The following STX3 variants were observed in gnomAD, a reference collection of about 807,000 sequenced individuals.
STX3 encodes the protein syntaxin 3, also known as syntaxin-3.
In STX3, 19 loss-of-function variants were observed where a neutral mutation model predicts 40.2. That is an observed-to-expected ratio of 0.47 (90% CI 0.33 to 0.69). STX3 has a LOEUF of 0.69. Among genes scored for constraint, STX3 ranks in the 30% least tolerant of loss-of-function variants. The probability of loss-of-function intolerance (pLI) is 0.02; values close to 1 mark genes in which losing one functional copy is unlikely to be tolerated. For synonymous variants in STX3, 122 were observed against 132.2 expected (o/e 0.92, Z 0.53); for missense variants, 364 against 366.7 (o/e 0.99, Z 0.06).
chr11:59,781,241 T>C, intron 2 of STX3: 6 of 1,039,642 alleles, frequency 5.8e-6, no homozygotes, highest in Non-Finnish European at 8.7e-6. Context: ...AGAAACAGTA[T>C]GGAGATTTGC....
In STX3 at chr11:59,792,218, A is replaced by G. The variant is rs1865223108; in HGVS notation, c.466+3A>G. 2 of 1,613,056 alleles carry G rather than the reference A, an allele frequency of 1.2e-6. No individual in the cohort carries two copies. The highest frequency in any genetic ancestry group is 1.1e-5 in the South Asian group (1 of 90,954). Reference sequence around the variant, plus strand: ...AATCCAGCGGCAGCTCGAAATTAGTATGTACTTGAGGTTTGGCGTGTGCCC... The same window carrying G: ...AATCCAGCGGCAGCTCGAAATTAGTGTGTACTTGAGGTTTGGCGTGTGCCC... On this transcript the variant is annotated splice_donor_region_variant and intron_variant, in intron 6 of 10. Transcript: ENST00000337979.
At chr11:59,773,146 GCATTCAATAATTTAGC>G in intron 1 of STX3, 49 bp from the exon 2 acceptor site, 2 of 1,473,172 alleles carry the variant, frequency 1.4e-6, no homozygotes, top group Non-Finnish European at 1.9e-6. Flanking sequence ...TACTTCGTGA[GCATTCAATAATTTAGC>G]CATTTATTGT....
chr11:59,793,566 T>C, intron 8 of STX3, 52 bp downstream of exon 8: 1 of 1,583,868 alleles, frequency 6.3e-7, no homozygotes, highest in Non-Finnish European at 8.6e-7. Context: ...AAGCTCAGGG[T>C]CTACTGAGAA....
chr11:59,772,974 A>AAACACACACAC (rs1554996770), intron 1 of STX3, among the ~76,000 whole-genome samples: 1,738 of 140,662 alleles, frequency 0.012, 35 homozygotes, highest in African/African-American at 0.036. Context: ...CCCTGAAAGA[A>AAACACACACAC]ACACACACAC....
At chr11:59,769,829 C>CGTGT (rs148844771) in intron 1 of STX3, among the ~76,000 whole-genome samples, 31 of 148,542 alleles carry the variant, frequency 2.1e-4, no homozygotes, top group African/African-American at 5.0e-4. Flanking sequence ...ATAGTGTACA[C>CGTGT]GTGTGTGTGT....
At chr11:59,771,961 A>C (rs1474687479) in intron 1 of STX3, among the ~76,000 whole-genome samples, 3 of 152,206 alleles carry the variant, frequency 2.0e-5, no homozygotes, top group East Asian at 3.8e-4. Flanking sequence ...CAGACCAGCC[A>C]GAGAATGAGA....
chr11:59,764,376 G>A (rs1418048572), intron 1 of STX3, among the ~76,000 whole-genome samples: 3 of 152,144 alleles, frequency 2.0e-5, no homozygotes, highest in Non-Finnish European at 2.9e-5. Context: ...ACAATTCTAT[G>A]AGCAGATTAT....
rs940708712 is a variant in STX3 at position 59,795,541 on chromosome 11, C to T, written c.786+59C>T. 7 of 1,559,242 alleles carry T rather than the reference C, an allele frequency of 4.5e-6. No homozygotes were observed. In the African/African-American group the frequency reaches 8.1e-5, roughly 18 times the overall value. ...TCCATTTTGTTTGCTGTGTCTCGCT[C>T]TTTCTCTTCCCTCTCCCTGTCTCTG... On this transcript the variant is annotated intron_variant, in intron 9 of 10. Transcript: ENST00000337979.
In STX3 at chr11:59,755,621, G is replaced by C. The variant is rs759224197; in HGVS notation, c.16G>C (p.Glu6Gln). 3.1e-6 allele frequency: 5 copies of C among 1,595,276 alleles called. No homozygotes were observed. In the East Asian group the frequency reaches 9.1e-5, roughly 29 times the overall value. ...GGGCTTCAGGATGAAGGACCGTCTGGAGCAGCTGAAGGCCGTGAGTTTCGC... is the reference window on the plus strand; with the variant it reads ...GGGCTTCAGGATGAAGGACCGTCTGCAGCAGCTGAAGGCCGTGAGTTTCGC... MKDRL[E>Q]QLKAKQLTQD... The change falls in exon 1 of 11, where the codon GAG becomes CAG. Residue 6 changes from glutamate (E) to glutamine (Q), a missense_variant. Physicochemically the swap from Glu to Gln is conservative, Grantham distance 29. Transcript: ENST00000337979.
intron 1 of STX3, among the ~76,000 whole-genome samples, chr11:59,759,231 G>A (rs1151064): frequency 0.12 from 19,001 of 152,154 alleles, 1,813 homozygotes; most frequent in African/African-American, 0.25. Flanking sequence ...TTCTCATTCT[G>A]CAAGTGAGTG....
intron 6 of STX3, among the ~76,000 whole-genome samples, chr11:59,792,838 C>G (rs1865277951): frequency 1.3e-5 from 2 of 151,964 alleles, no homozygotes; most frequent in Admixed American, 1.3e-4. Context: ...CCTTGGACAC[C>G]ATAGTGTAGT....
chr11:59,772,358 T>C (rs1371558696), intron 1 of STX3, among the ~76,000 whole-genome samples: 2 of 152,180 alleles, frequency 1.3e-5, no homozygotes, highest in African/African-American at 4.8e-5. Context: ...TCACTTCCTT[T>C]AGATGGCCAT....
At chr11:59,772,439 G>A (rs570371993) in intron 1 of STX3, among the ~76,000 whole-genome samples, 27 of 152,318 alleles carry the variant, frequency 1.8e-4, no homozygotes, top group African/African-American at 6.0e-4. Context: ...GCTGGGGGCC[G>A]GGGGAGAGCT....
intron 2 of STX3, among the ~76,000 whole-genome samples, chr11:59,774,278 G>A (rs1323095601): frequency 6.6e-6 from 1 of 151,956 alleles, no homozygotes; most frequent in African/African-American, 2.4e-5. Context: ...TTTCATGAAC[G>A]TTCCTTAACA....
At chr11:59,784,628 C>T (rs1447558226) in intron 2 of STX3, among the ~76,000 whole-genome samples, 3 of 152,214 alleles carry the variant, frequency 2.0e-5, no homozygotes, top group East Asian at 1.9e-4. Context: ...GAGCAAGTCA[C>T]GTCTTACATG....
At position 59,790,556 on chromosome 11, in the gene STX3, A is replaced by T. The variant is rs546503775; in HGVS notation, c.327A>T (p.Ser109=). Residue 109 remains serine, a synonymous_variant, in exon 5 of 11, where the codon TCA becomes TCT. Transcript: ENST00000337979. The stretch of plus-strand genomic sequence containing the variant: ...ATATTGAAGAAGATGAGGTCAGGTC[A>T]TCGGCAGACCTTCGGATTCGGAAAT... ...EKHIEEDEVR[S]SADLRIRKSQ... The T allele has an allele frequency of 2.2e-5, 36 of 1,614,074 alleles. No homozygotes were observed. The highest frequency in any genetic ancestry group is 3.0e-5 in the Non-Finnish European group (35 of 1,179,998).
In STX3 at chr11:59,797,479, T is replaced by C; in HGVS notation, c.*30+83T>C. ...CTTGGGATTTCAAATTCCTCTTCTT[T>C]CCCCCTATGATTGTCCTTGGACACA... is the stretch of plus-strand genomic sequence containing the variant. On this transcript the variant is annotated intron_variant, in intron 10 of 10. Transcript: ENST00000337979. The C allele has an allele frequency of 3.9e-6, 4 of 1,018,200 alleles. No homozygotes were observed. The South Asian group carries it at 5.6e-5, about 14-fold the overall frequency. 63.1% of individuals were successfully genotyped at this position (1,018,200 alleles called of 1,614,324 possible).
chr11:59,802,679 T>C lies in STX3; in HGVS notation c.*1855T>C. The C allele has an allele frequency of 1.0e-6, 1 of 985,786 alleles. No individual in the cohort carries two copies. Among genetic ancestry groups the C allele is most frequent in the African/African-American group, 1.7e-5 (1 of 57,358 alleles). 61.1% of individuals were successfully genotyped at this position (985,786 alleles called of 1,614,324 possible). ...GATTATTTTATTGCTAATTTAAAAA[T>C]AAAAATGACTTTGTATTGATTGTGA... On this transcript the variant is annotated 3_prime_UTR_variant, in exon 11 of 11. Coordinates refer to ENST00000337979, the MANE Select transcript of STX3 (RefSeq NM_004177.5).
At chr11:59,784,715 A>G (rs910498764) in intron 2 of STX3, among the ~76,000 whole-genome samples, 3 of 152,202 alleles carry the variant, frequency 2.0e-5, no homozygotes, top group Admixed American at 6.5e-5. Context: ...GAGACTTACT[A>G]TCATGAGAAC....
Sources: gnomAD v4.1 joint callset for allele counts (sites outside exome capture counted in the v4.1 genomes callset) on GRCh38, gnomAD v4.1.1 for gene constraint, MANE v1.5 for transcripts, NCBI Gene and HGNC (gene_info 2026-07-23, HGNC 2026-07-21) for gene names.